Variants in UNC5C observed in about 807,000 individuals in gnomAD.
UNC5C encodes the protein netrin receptor UNC5C.
UNC5C carries 47 observed loss-of-function variants against 99.8 expected under a neutral mutation model. That is an observed-to-expected ratio of 0.47 (90% confidence interval 0.37 to 0.60). The LOEUF (loss-of-function observed/expected upper bound fraction) is 0.60. Ranked by LOEUF, UNC5C falls within the 20% of genes least tolerant of loss-of-function variation. The pLI, the probability that UNC5C is intolerant of heterozygous loss-of-function variation, is 0.00. For synonymous variants in UNC5C, 487 were observed against 452.2 expected, an observed-to-expected ratio of 1.08 and a Z score of -0.98; for missense variants, 1,062 against 1,165.9, an observed-to-expected ratio of 0.91 and a Z score of 1.30.
chr4:95,216,296 T>A, intron 9 of UNC5C, 85 bp from the exon 10 acceptor site: 1 of 985,710 alleles, frequency 1.0e-6, no homozygotes, highest in Non-Finnish European at 1.5e-6. Context: ...CGCGCAGCCA[T>A]AAGCCTGCTT....
chr4:95,244,071 C>A (rs1739415945), intron 6 of UNC5C, among the ~76,000 whole-genome samples: 1 of 152,076 alleles, frequency 6.6e-6, no homozygotes, highest in African/African-American at 2.4e-5. Flanking sequence ...TTTGTCCAGC[C>A]CATCTCTGAG....
intron 2 of UNC5C, among the ~76,000 whole-genome samples, chr4:95,326,365 C>T (rs1235470193): frequency 6.6e-6 from 1 of 152,012 alleles, no homozygotes; most frequent in Non-Finnish European, 1.5e-5. Flanking sequence ...AAAATATTTG[C>T]TTTTAGATGG....
intron 1 of UNC5C, among the ~76,000 whole-genome samples, chr4:95,392,696 C>A (rs1745397225): frequency 1.3e-5 from 2 of 152,154 alleles, no homozygotes; most frequent in Middle Eastern, 3.4e-3. Flanking sequence ...CCTCCTCGGC[C>A]TCCTAAAGTG....
intron 12 of UNC5C, among the ~76,000 whole-genome samples, chr4:95,202,153 A>C (rs977404980): frequency 6.6e-6 from 1 of 152,170 alleles, no homozygotes; most frequent in South Asian, 2.1e-4. Context: ...CAACCTTGGC[A>C]TACTTCTTTT....
intron 1 of UNC5C, among the ~76,000 whole-genome samples, chr4:95,520,667 C>A (rs1216294433): frequency 1.3e-5 from 2 of 149,250 alleles, no homozygotes; most frequent in African/African-American, 5.0e-5. Flanking sequence ...GGTGCCCTCT[C>A]GGCTCACTGC....
At chr4:95,169,481 A>C (rs896970603) in intron 15 of UNC5C, 82 bp from the exon 16 acceptor site, 7 of 1,491,156 alleles carry the variant, frequency 4.7e-6, no homozygotes, top group Non-Finnish European at 5.5e-6. Context: ...CTGTCTCTCT[A>C]CTTGTCTTTA....
At chr4:95,508,402 T>C (rs1313631016) in intron 1 of UNC5C, among the ~76,000 whole-genome samples, 1 of 151,822 alleles carries the variant, frequency 6.6e-6, no homozygotes, top group East Asian at 1.9e-4. Context: ...TAATGGCTTC[T>C]TGTACATTAT....
intron 1 of UNC5C, among the ~76,000 whole-genome samples, chr4:95,505,981 A>G (rs1721910974): frequency 6.6e-6 from 1 of 152,076 alleles, no homozygotes; most frequent in Non-Finnish European, 1.5e-5. Flanking sequence ...AAGTGCTACC[A>G]GAAGACTAGA....
chr4:95,168,082 A>T lies in UNC5C; in HGVS notation c.*1152T>A, dbSNP rs1735926259. The T allele has an allele frequency of 6.6e-6, 1 of 152,198 alleles. No homozygotes were observed. The highest frequency in any genetic ancestry group is 1.5e-5 in the Non-Finnish European group (1 of 68,054). 9.4% of individuals were successfully genotyped at this position (152,198 alleles called of 1,614,324 possible). ...AACCACACTGCCTCTAGAGTAGAGC[A>T]CCATAGGGAGTCGACGTGGGGCCAC... is the stretch of plus-strand genomic sequence containing the variant. On this transcript the variant is annotated 3_prime_UTR_variant, in exon 16 of 16. Coordinates refer to ENST00000453304, the MANE Select transcript of UNC5C (RefSeq NM_003728.4).
intron 1 of UNC5C, among the ~76,000 whole-genome samples, chr4:95,511,057 A>G (rs1002414974): frequency 6.6e-6 from 1 of 152,176 alleles, no homozygotes; most frequent in African/African-American, 2.4e-5. Flanking sequence ...GAAAGACAGA[A>G]AGAATAGCTG....
chr4:95,441,922 A>G (rs574894160), intron 1 of UNC5C, among the ~76,000 whole-genome samples: 36 of 152,190 alleles, frequency 2.4e-4, no homozygotes, highest in Admixed American at 3.9e-4. Context: ...AACTAGTAAG[A>G]TTAACACGCT....
intron 4 of UNC5C, among the ~76,000 whole-genome samples, chr4:95,252,743 A>T (rs916364954): frequency 3.3e-5 from 5 of 152,166 alleles, no homozygotes; most frequent in African/African-American, 1.2e-4. Flanking sequence ...ACATGACCTC[A>T]TGACCGGTTG....
chr4:95,492,513 C>T (rs180895442), intron 1 of UNC5C, among the ~76,000 whole-genome samples: 18 of 151,296 alleles, frequency 1.2e-4, no homozygotes, highest in African/African-American at 3.6e-4. Flanking sequence ...AAAATATATA[C>T]TAGATAGCTT....
intron 7 of UNC5C, chr4:95,222,258 A>G: frequency 6.7e-7 from 1 of 1,482,338 alleles, no homozygotes; most frequent in Non-Finnish European, 8.9e-7. Context: ...GAAATGGGAT[A>G]AATGAAACCT....
At chr4:95,347,301 G>A (rs992823622) in intron 1 of UNC5C, among the ~76,000 whole-genome samples, 3 of 151,966 alleles carry the variant, frequency 2.0e-5, no homozygotes, top group African/African-American at 7.2e-5. Context: ...TTCGTGGGCT[G>A]GAAGAACCAA....
chr4:95,386,851 C>T (rs779694731), intron 1 of UNC5C, among the ~76,000 whole-genome samples: 12 of 151,964 alleles, frequency 7.9e-5, no homozygotes, highest in Non-Finnish European at 1.6e-4. Flanking sequence ...TTTTTTTTCT[C>T]CATGAAGATC....
intron 1 of UNC5C, among the ~76,000 whole-genome samples, chr4:95,432,787 C>A (rs1212939011): frequency 1.3e-5 from 2 of 152,074 alleles, no homozygotes; most frequent in Admixed American, 1.3e-4. Flanking sequence ...GGAGATCAAG[C>A]ACAAGGCTTC....
intron 2 of UNC5C, among the ~76,000 whole-genome samples, chr4:95,329,610 T>A (rs989947973): frequency 1.3e-5 from 2 of 152,226 alleles, no homozygotes; most frequent in Admixed American, 1.3e-4. Context: ...TTGCTGTTCC[T>A]GTATCTTGTT....
At position 95,513,084 on chromosome 4, in the gene UNC5C, G is replaced by T. The variant is rs184370725; in HGVS notation, c.124+35650C>A. On this transcript the variant is annotated intron_variant, in intron 1 of 15. Coordinates refer to ENST00000453304, the MANE Select transcript of UNC5C (RefSeq NM_003728.4). ...TTTGACAAATCTAGGTCTCGTCATGGTTGCTAAATATGTAAATCATACTGA... is the reference window on the plus strand; with the variant it reads ...TTTGACAAATCTAGGTCTCGTCATGTTTGCTAAATATGTAAATCATACTGA... Among the ~76,000 whole-genome samples the T allele has an allele frequency of 8.9e-4, 136 of 152,278 alleles. 2 individuals carry two copies. Among genetic ancestry groups the T allele is most frequent in the Admixed American group, 6.6e-3 (101 of 15,280 alleles).
Sources: gnomAD v4.1 joint callset for allele counts (sites outside exome capture counted in the v4.1 genomes callset) on GRCh38, gnomAD v4.1.1 for gene constraint, MANE v1.5 for transcripts, NCBI Gene and HGNC (gene_info 2026-07-23, HGNC 2026-07-21) for gene names.